The following HEATR4 variants were observed in gnomAD, a reference collection of about 807,000 sequenced individuals.
The protein encoded by HEATR4 is HEAT repeat-containing protein 4.
HEATR4 carries 95 observed loss-of-function variants against 108.8 expected under a neutral mutation model. That is an observed-to-expected ratio of 0.87 (90% confidence interval 0.74 to 1.04). HEATR4 has a LOEUF of 1.04. Among genes scored for constraint, HEATR4 ranks in the 50% least tolerant of loss-of-function variants. HEATR4 has a pLI of 0.00. For synonymous variants in HEATR4, 443 were observed against 459.4 expected, an observed-to-expected ratio of 0.96 and a Z score of 0.46; for missense variants, 1,152 against 1,253.8, an observed-to-expected ratio of 0.92 and a Z score of 1.23.
chr14:73,594,025 T>TG, the HEATR4 span: 1 of 875,862 alleles, frequency 1.1e-6, no homozygotes. Context: ...TTCTGGAGAC[T>TG]TCCTTGGCTT....
At chr14:73,626,096 G>A in the HEATR4 span, among the ~76,000 whole-genome samples, 2 of 152,202 alleles carry the variant, frequency 1.3e-5, no homozygotes, top group Non-Finnish European at 2.9e-5. Flanking sequence ...CCTTATGGCT[G>A]ATTTGGAGAA....
chr14:73,603,956 T>C, the HEATR4 span, among the ~76,000 whole-genome samples: 2 of 152,012 alleles, frequency 1.3e-5, no homozygotes, highest in Non-Finnish European at 2.9e-5. Context: ...ATGGTCCAGA[T>C]CTCTTGACCT....
chr14:73,612,951 G>A, the HEATR4 span: 3 of 1,267,870 alleles, frequency 2.4e-6, no homozygotes, highest in Non-Finnish European at 3.1e-6. Context: ...CAGAACAAGC[G>A]CGACTTTCTC....
At chr14:73,628,916 A>C in the HEATR4 span, among the ~76,000 whole-genome samples, 1 of 143,936 alleles carries the variant, frequency 6.9e-6, no homozygotes, top group African/African-American at 2.6e-5. Context: ...TTACCCGGGC[A>C]TAGTGGTGGG....
the HEATR4 span, chr14:73,581,459 C>CTGTGTG: frequency 6.6e-6 from 1 of 151,680 alleles, no homozygotes; most frequent in East Asian, 1.9e-4. Context: ...GTGTGTGTGT[C>CTGTGTG]TGTGTATGTG....
At chr14:73,576,605 C>G in the HEATR4 span, among the ~76,000 whole-genome samples, 2 of 151,456 alleles carry the variant, frequency 1.3e-5, no homozygotes, top group Non-Finnish European at 2.9e-5. Flanking sequence ...GAGTTCAAGA[C>G]AAGCCTGGGC....
chr14:73,607,830 G>T, the HEATR4 span, among the ~76,000 whole-genome samples: 2 of 151,844 alleles, frequency 1.3e-5, no homozygotes, highest in Non-Finnish European at 2.9e-5. Context: ...CACCATGTTT[G>T]CCAGGCTGGT....
At chr14:73,573,558 G>A in the HEATR4 span, 1 of 1,613,556 alleles carries the variant, frequency 6.2e-7, no homozygotes, top group African/African-American at 1.3e-5. Context: ...GTACTTTGAA[G>A]AAGCCATGAA....
At chr14:73,586,449 A>G in the HEATR4 span, among the ~76,000 whole-genome samples, 1 of 151,896 alleles carries the variant, frequency 6.6e-6, no homozygotes, top group Non-Finnish European at 1.5e-5. Context: ...TCATGCCTGT[A>G]ATCCCAGCAC....
At chr14:73,491,452 C>G in intron 17 of HEATR4, 2 of 1,404,886 alleles carry the variant, frequency 1.4e-6, no homozygotes, top group Non-Finnish European at 1.8e-6. Context: ...TGGTGGAGAC[C>G]TCGGCCCTGC....
the HEATR4 span, among the ~76,000 whole-genome samples, chr14:73,566,265 G>A: frequency 5.9e-5 from 9 of 152,074 alleles, no homozygotes; most frequent in African/African-American, 2.2e-4. Context: ...AGCCCAGCTG[G>A]CTTCACCCAG....
chr14:73,592,433 G>A, the HEATR4 span: 5 of 1,492,800 alleles, frequency 3.3e-6, no homozygotes, highest in Non-Finnish European at 4.4e-6. Flanking sequence ...CAGGCTGCTG[G>A]CGGGTGGTGT....
the HEATR4 span, among the ~76,000 whole-genome samples, chr14:73,615,398 AAAAAAAAAACAAAAAAC>A: frequency 1.4e-5 from 2 of 141,934 alleles, no homozygotes; most frequent in East Asian, 2.2e-4. Context: ...TAAAAAAAAA[AAAAAAAAAACAAAAAAC>A]AAAAAAAACC....
intron 1 of HEATR4, among the ~76,000 whole-genome samples, chr14:73,538,135 G>GAGTT (rs1254465098): frequency 1.7e-5 from 2 of 114,388 alleles, no homozygotes; most frequent in African/African-American, 5.7e-5. Context: ...CCTTTGAGGG[G>GAGTT]AGTTACACTT....
chr14:73,551,037 G>A (rs1167256124), intron 1 of HEATR4, among the ~76,000 whole-genome samples: 1 of 113,778 alleles, frequency 8.8e-6, no homozygotes, highest in African/African-American at 2.9e-5. Flanking sequence ...TGTGCCTGTA[G>A]TCCCAGCTAC....
intron 11 of HEATR4, 31 bp from the exon 12 acceptor site, chr14:73,500,761 T>C (rs1281195094): frequency 1.2e-6 from 2 of 1,600,826 alleles, no homozygotes; most frequent in Non-Finnish European, 1.7e-6. Context: ...TCCTTTCACC[T>C]CCTTAAACTT....
intron 9 of HEATR4, among the ~76,000 whole-genome samples, chr14:73,507,595 G>C (rs923299062): frequency 6.6e-6 from 1 of 151,814 alleles, no homozygotes; most frequent in African/African-American, 2.4e-5. Context: ...CACCATGCCT[G>C]ACTAATTTTA....
At position 73,537,827 on chromosome 14, in the gene HEATR4, C is replaced by G. The variant is rs775151108; in HGVS notation, c.-151-7583G>C. ...CTACTTCCTCCCGCCCGGGGTGCGG[C>G]GCGAGCCGGTGCGCGCGGGCCGGGT... On this transcript the variant is annotated intron_variant, in intron 1 of 17. Coordinates refer to ENST00000553558, the MANE Select transcript of HEATR4 (RefSeq NM_001220484.1). The G allele has an allele frequency of 2.5e-6, 3 of 1,207,044 alleles. 1 individual carries two copies. The highest frequency in any genetic ancestry group is 3.3e-6 in the Non-Finnish European group (3 of 922,392). 74.8% of individuals were successfully genotyped at this position (1,207,044 alleles called of 1,614,324 possible).
At chr14:73,511,717 A>G (rs1176848993) in intron 7 of HEATR4, among the ~76,000 whole-genome samples, 4 of 152,070 alleles carry the variant, frequency 2.6e-5, no homozygotes, top group Non-Finnish European at 4.4e-5. Flanking sequence ...TCTACCAAAA[A>G]CAAAAACAAA....
Sources: allele counts gnomAD v4.1 joint callset (sites outside exome capture counted in the v4.1 genomes callset), GRCh38; gene constraint gnomAD v4.1.1; transcripts MANE v1.5; gene names NCBI Gene and HGNC (gene_info 2026-07-23, HGNC 2026-07-21).